FAM98B: variants seen among roughly 807,000 people sequenced by gnomAD.
FAM98B encodes tRNA-splicing ligase complex subunit FAM98B.
In FAM98B, 32 loss-of-function variants were observed where a neutral mutation model predicts 43.9. The ratio of observed to expected loss-of-function variants is 0.73; its 90% CI spans 0.55 to 0.98. The LOEUF is 0.98. Among genes scored for constraint, FAM98B ranks in the 50% least tolerant of loss-of-function variants. The pLI is 0.00. For synonymous variants in FAM98B, 190 were observed against 174.0 expected, an observed-to-expected ratio of 1.09 and a Z score of -0.72; for missense variants, 514 against 522.9, an observed-to-expected ratio of 0.98 and a Z score of 0.17.
Position 38,466,182 on chromosome 15 carries a change from T to TTGTGTGTGTGTG in FAM98B, c.352+805_352+816dup, listed in dbSNP as rs35919139. Among the ~76,000 whole-genome samples, 1,027 of 147,786 alleles carry TTGTGTGTGTGTG rather than the reference T, an allele frequency of 6.9e-3. 12 individuals are homozygous for TTGTGTGTGTGTG. The highest frequency in any genetic ancestry group is 0.025 in the African/African-American group (981 of 39,924). On this transcript the variant is annotated intron_variant, in intron 3 of 7. Coordinates refer to ENST00000397609, the MANE Select transcript of FAM98B (RefSeq NM_173611.4). ...AAGTTTGTTTCATTAGAGATGAAATTTGTGTGTGTGTGTGTGTGTGTGTGT... is the reference window on the plus strand; with the variant it reads ...AAGTTTGTTTCATTAGAGATGAAATTTGTGTGTGTGTGTGTGTGTGTGTGTGTGTGTGTGTGT...
intron 6 of FAM98B, among the ~76,000 whole-genome samples, chr15:38,476,080 A>G (rs1890195263): frequency 6.6e-6 from 1 of 152,214 alleles, no homozygotes. Context: ...TTTCCAAACA[A>G]GGAGTGCATA....
intron 5 of FAM98B, 71 bp from the exon 6 acceptor site, chr15:38,474,111 A>C: frequency 8.5e-7 from 1 of 1,170,550 alleles, no homozygotes; most frequent in East Asian, 2.4e-5. Context: ...ACTTAGCACA[A>C]TTTTCAGATT....
intron 1 of FAM98B, among the ~76,000 whole-genome samples, chr15:38,461,955 A>G (rs1889956114): frequency 6.6e-6 from 1 of 152,180 alleles, no homozygotes; most frequent in African/African-American, 2.4e-5. Flanking sequence ...TCTATCCTAG[A>G]TAAAAACTGA....
intron 1 of FAM98B, chr15:38,459,157 C>T (rs765107777): frequency 3.3e-5 from 12 of 360,526 alleles, no homozygotes; most frequent in Non-Finnish European, 5.5e-5. Flanking sequence ...TGAGTGGTCT[C>T]CTCAATCTCT....
At chr15:38,460,940 G>A (rs1203971120) in intron 1 of FAM98B, among the ~76,000 whole-genome samples, 1 of 152,120 alleles carries the variant, frequency 6.6e-6, no homozygotes, top group Non-Finnish European at 1.5e-5. Context: ...CATACAGTTA[G>A]CACTTTCTAA....
intron 6 of FAM98B, among the ~76,000 whole-genome samples, chr15:38,477,125 C>T (rs375594347): frequency 4.0e-5 from 6 of 151,640 alleles, no homozygotes; most frequent in African/African-American, 1.5e-4. Flanking sequence ...TAGCGAGTCA[C>T]AGTCTCTTAA....
chr15:38,467,316 G>A (rs1003132382), intron 3 of FAM98B, among the ~76,000 whole-genome samples: 1 of 152,092 alleles, frequency 6.6e-6, no homozygotes, highest in Middle Eastern at 3.2e-3. Flanking sequence ...GCCAAATCCT[G>A]TACTATGTAA....
In FAM98B at chr15:38,487,209, A is replaced by G. The variant is rs1168244521; in HGVS notation, c.*2550A>G. 1.3e-5 allele frequency: 2 copies of G among 152,110 alleles called. No individual in the cohort carries two copies. The highest frequency in any genetic ancestry group is 2.9e-5 in the Non-Finnish European group (2 of 67,976). The allele number at this position is 152,110 out of a possible 1,614,324, so 9.4% of individuals were successfully genotyped here. ...AAAAGGGAAACAAGGGTTTTCTTTG[A>G]ACTTACTTTTGTTTTGCAGATCAGG... On this transcript the variant is annotated 3_prime_UTR_variant, in exon 8 of 8. Coordinates refer to ENST00000397609, the MANE Select transcript of FAM98B (RefSeq NM_173611.4).
intron 4 of FAM98B, among the ~76,000 whole-genome samples, chr15:38,473,287 G>A (rs1030523695): frequency 2.6e-5 from 4 of 152,086 alleles, no homozygotes; most frequent in Admixed American, 6.6e-5. Context: ...TCGTTCTTAC[G>A]CTGGGAAAGA....
chr15:38,485,308 G>C lies in FAM98B; in HGVS notation c.*649G>C, dbSNP rs1315732144. ...TTGGATTTGAAATCAGCATGATTTTGTTTGACAAAGCAAAGTTTAAGATTG... is the reference window on the plus strand; with the variant it reads ...TTGGATTTGAAATCAGCATGATTTTCTTTGACAAAGCAAAGTTTAAGATTG... On this transcript the variant is annotated 3_prime_UTR_variant, in exon 8 of 8. Coordinates refer to ENST00000397609, the MANE Select transcript of FAM98B (RefSeq NM_173611.4). 6.6e-6 allele frequency: 1 copy of C among 152,206 alleles called. No homozygotes were observed. Among genetic ancestry groups the C allele is most frequent in the African/African-American group, 2.4e-5 (1 of 41,432 alleles). The allele number at this position is 152,206 out of a possible 1,614,324, so 9.4% of individuals were successfully genotyped here.
At chr15:38,466,690 G>T (rs1257180903) in intron 3 of FAM98B, among the ~76,000 whole-genome samples, 4 of 152,106 alleles carry the variant, frequency 2.6e-5, no homozygotes, top group African/African-American at 9.7e-5. Flanking sequence ...TCTGAAGATG[G>T]ATGGTGACGT....
chr15:38,483,444 A>C (rs1240760610), intron 7 of FAM98B: 1 of 152,160 alleles, frequency 6.6e-6, no homozygotes, highest in Non-Finnish European at 1.5e-5. Context: ...AGGCAGGCGG[A>C]TCACGAGGTC....
intron 4 of FAM98B, 48 bp downstream of exon 4, chr15:38,470,453 T>G (rs751822878): frequency 3.4e-6 from 5 of 1,460,206 alleles, no homozygotes; most frequent in Non-Finnish European, 4.6e-6. Flanking sequence ...AATGGTAACA[T>G]GTAAGTGCTA....
rs537363049 is a variant in FAM98B at position 38,480,050 on chromosome 15, GT to G, written c.730-1239del. ...CTGTAAAATTCTGTTTTCTTTTTGT[GT>G]TTGAGGTTTTTATATAGAAAGGAAG... On this transcript the variant is annotated intron_variant, in intron 6 of 7. Transcript: ENST00000397609. Among the ~76,000 whole-genome samples the G allele has an allele frequency of 2.0e-4, 31 of 151,340 alleles. No individual in the cohort carries two copies. The South Asian group carries it at 6.1e-3, about 30-fold the overall frequency.
intron 2 of FAM98B, among the ~76,000 whole-genome samples, chr15:38,464,988 A>G (rs562165346): frequency 6.6e-6 from 1 of 152,358 alleles, no homozygotes; most frequent in South Asian, 2.1e-4. Context: ...ATTATGAAAT[A>G]AAGATAAGCA....
rs1890011013 is a variant in FAM98B at position 38,465,256 on chromosome 15, TTC to T, written c.218-11_218-10del. The T allele has an allele frequency of 1.3e-6, 2 of 1,596,336 alleles. No individual in the cohort carries two copies. Among genetic ancestry groups the T allele is most frequent in the Non-Finnish European group, 1.7e-6 (2 of 1,175,636 alleles). On this transcript the variant is annotated splice_polypyrimidine_tract_variant and intron_variant, in intron 2 of 7. Transcript: ENST00000397609. ...ATGCTCAGTAAATGTTTTATGATTT[TTC>T]TTTTTTAAAGGAAGAGATGATCTAG...
chr15:38,465,176 T>C, intron 2 of FAM98B, 93 bp from the exon 3 acceptor site: 1 of 1,268,908 alleles, frequency 7.9e-7, no homozygotes. Context: ...AATTTAGAAT[T>C]GAATGTAAAA....
chr15:38,481,592 A>C lies in FAM98B; in HGVS notation c.897+133A>C, dbSNP rs2141062589. 3 of 1,603,646 alleles carry C rather than the reference A, an allele frequency of 1.9e-6. No homozygotes were observed. The East Asian group carries it at 6.7e-5, about 36-fold the overall frequency. On this transcript the variant is annotated intron_variant, in intron 7 of 7. Transcript: ENST00000397609. ...AAAGAGTGGCAGGGGGGTTCAGTCT[A>C]GGCTTAGTTATGTTATTTTTGTGTA...
intron 6 of FAM98B, among the ~76,000 whole-genome samples, chr15:38,477,916 A>G (rs886986334): frequency 2.0e-5 from 3 of 152,230 alleles, no homozygotes; most frequent in African/African-American, 7.2e-5. Flanking sequence ...AATAGAGTTC[A>G]GATGTGTGGG....
Sources: allele counts gnomAD v4.1 joint callset (sites outside exome capture counted in the v4.1 genomes callset), GRCh38; gene constraint gnomAD v4.1.1; transcripts MANE v1.5; gene names NCBI Gene and HGNC (gene_info 2026-07-23, HGNC 2026-07-21).